ALCAM: variants seen among roughly 807,000 people sequenced by gnomAD.
ALCAM encodes the protein CD166 antigen.
ALCAM carries 30 observed loss-of-function variants against 70.9 expected under a neutral mutation model. The ratio of observed to expected loss-of-function variants is 0.42; its 90% CI spans 0.32 to 0.57. The LOEUF (loss-of-function observed/expected upper bound fraction) is 0.57. ALCAM is among the 20% of genes least tolerant of loss of function. ALCAM has a pLI of 0.11. For synonymous variants in ALCAM, 249 were observed against 242.5 expected, an observed-to-expected ratio of 1.03 and a Z score of -0.25; for missense variants, 591 against 695.1, an observed-to-expected ratio of 0.85 and a Z score of 1.68.
intron 1 of ALCAM, among the ~76,000 whole-genome samples, chr3:105,446,610 TACACAC>T (rs59828133): frequency 0.25 from 36,585 of 143,876 alleles, 5,413 homozygotes; most frequent in East Asian, 0.57. Flanking sequence ...AAATTTGGTG[TACACAC>T]ACACACACAC....
At chr3:105,533,330 A>G (rs1485296414) in intron 4 of ALCAM, among the ~76,000 whole-genome samples, 1 of 152,170 alleles carries the variant, frequency 6.6e-6, no homozygotes, top group Non-Finnish European at 1.5e-5. Context: ...GAATTTGGCA[A>G]TGCTTTCAAA....
chr3:105,491,320 C>T (rs753607795), intron 1 of ALCAM, among the ~76,000 whole-genome samples: 3 of 152,168 alleles, frequency 2.0e-5, no homozygotes, highest in African/African-American at 7.2e-5. Context: ...TTGGCTGACG[C>T]GAAGGTCTCT....
chr3:105,388,870 A>G (rs1935724505), intron 1 of ALCAM, among the ~76,000 whole-genome samples: 1 of 151,596 alleles, frequency 6.6e-6, no homozygotes. Flanking sequence ...CGTTTTAGAT[A>G]GTAAAGATTG....
intron 1 of ALCAM, among the ~76,000 whole-genome samples, chr3:105,475,603 AT>A (rs1331923677): frequency 6.6e-6 from 1 of 151,976 alleles, no homozygotes; most frequent in Non-Finnish European, 1.5e-5. Context: ...TGGTAGTAAA[AT>A]TTTTTTAGCA....
chr3:105,415,856 A>G (rs1936494787), intron 1 of ALCAM, among the ~76,000 whole-genome samples: 1 of 152,126 alleles, frequency 6.6e-6, no homozygotes. Flanking sequence ...TGTAGCTTGT[A>G]TAGTTAAAAC....
chr3:105,375,642 G>T (rs548099646), intron 1 of ALCAM, among the ~76,000 whole-genome samples: 1 of 152,106 alleles, frequency 6.6e-6, no homozygotes, highest in African/African-American at 2.4e-5. Flanking sequence ...TAGCTACGGG[G>T]TTATTTAGGG....
intron 1 of ALCAM, among the ~76,000 whole-genome samples, chr3:105,468,615 T>A (rs758034476): frequency 6.6e-6 from 1 of 151,298 alleles, no homozygotes; most frequent in Non-Finnish European, 1.5e-5. Flanking sequence ...GTTGCTGGTA[T>A]AATGTACTTT....
At chr3:105,447,414 C>T (rs1332065669) in intron 1 of ALCAM, among the ~76,000 whole-genome samples, 1 of 152,112 alleles carries the variant, frequency 6.6e-6, no homozygotes, top group East Asian at 1.9e-4. Flanking sequence ...TAAGAGGAAG[C>T]TAAGACAGAT....
chr3:105,504,948 A>G (rs1398932266), intron 1 of ALCAM, among the ~76,000 whole-genome samples: 1 of 152,034 alleles, frequency 6.6e-6, no homozygotes, highest in Non-Finnish European at 1.5e-5. Context: ...TATCACTATC[A>G]TTGTCCTCAA....
chr3:105,550,636 T>A (rs1940377664), intron 12 of ALCAM, among the ~76,000 whole-genome samples: 1 of 151,610 alleles, frequency 6.6e-6, no homozygotes, highest in African/African-American at 2.4e-5. Context: ...AAATTTGTAA[T>A]TCCCTTTGAT....
chr3:105,484,818 G>C (rs13071531), intron 1 of ALCAM, among the ~76,000 whole-genome samples: 1 of 152,042 alleles, frequency 6.6e-6, no homozygotes, highest in East Asian at 1.9e-4. Flanking sequence ...TGTGCCACCA[G>C]AAGAAAAGCT....
chr3:105,552,715 T>A (rs1940439965), intron 14 of ALCAM, 130 bp downstream of exon 14: 1 of 1,516,090 alleles, frequency 6.6e-7, no homozygotes, highest in African/African-American at 1.4e-5. Context: ...CAAATCAGGT[T>A]GATTATATAT....
intron 1 of ALCAM, among the ~76,000 whole-genome samples, chr3:105,432,304 T>C (rs1249511446): frequency 6.6e-6 from 1 of 152,122 alleles, no homozygotes; most frequent in African/African-American, 2.4e-5. Context: ...CTGAAATAAG[T>C]CCCCTTTTTC....
chr3:105,390,328 T>C (rs1233579211), intron 1 of ALCAM, among the ~76,000 whole-genome samples: 2 of 152,280 alleles, frequency 1.3e-5, no homozygotes, highest in East Asian at 3.9e-4. Context: ...GGTTTTGATT[T>C]GCATTTCTCT....
intron 1 of ALCAM, among the ~76,000 whole-genome samples, chr3:105,373,960 G>C (rs1342401944): frequency 1.3e-5 from 2 of 152,192 alleles, no homozygotes; most frequent in Non-Finnish European, 2.9e-5. Context: ...AAAGAACAGA[G>C]TGGGACAGGC....
At chr3:105,551,590 G>C (rs1252322680) in intron 12 of ALCAM, among the ~76,000 whole-genome samples, 2 of 151,500 alleles carry the variant, frequency 1.3e-5, no homozygotes, top group Non-Finnish European at 3.0e-5. Flanking sequence ...AATGGACAAA[G>C]AGCATGGCAT....
intron 1 of ALCAM, among the ~76,000 whole-genome samples, chr3:105,483,667 A>T (rs1302685479): frequency 6.6e-6 from 1 of 152,124 alleles, no homozygotes; most frequent in African/African-American, 2.4e-5. Flanking sequence ...TCCTTAAAAG[A>T]TCCCTCTAAA....
intron 5 of ALCAM, among the ~76,000 whole-genome samples, 184 bp downstream of exon 5, chr3:105,533,874 G>A (rs564388888): frequency 2.6e-5 from 4 of 152,112 alleles, no homozygotes; most frequent in Admixed American, 2.0e-4. Flanking sequence ...CAGGCATTAG[G>A]TTTATTGTGT....
At chr3:105,570,081 A>G (rs1183195517) in intron 14 of ALCAM, among the ~76,000 whole-genome samples, 2 of 152,158 alleles carry the variant, frequency 1.3e-5, no homozygotes, top group Non-Finnish European at 2.9e-5. Flanking sequence ...TAGGGTCTCT[A>G]CAGTTCTTTT....
Sources: allele counts gnomAD v4.1 joint callset (sites outside exome capture counted in the v4.1 genomes callset), GRCh38; gene constraint gnomAD v4.1.1; transcripts MANE v1.5; gene names NCBI Gene and HGNC (gene_info 2026-07-23, HGNC 2026-07-21).